SUSD1: variants seen among roughly 807,000 people sequenced by gnomAD.
The protein encoded by SUSD1 is sushi domain-containing protein 1.
Under a neutral mutation model 86.9 loss-of-function variants are expected in SUSD1, and 65 were observed. That is an observed-to-expected ratio of 0.75 (90% CI 0.61 to 0.92). SUSD1 has a LOEUF of 0.92. SUSD1 is among the 40% of genes least tolerant of loss of function. The pLI, the probability that SUSD1 is intolerant of heterozygous loss-of-function variation, is 0.00. For synonymous variants in SUSD1, 346 were observed against 350.0 expected (o/e 0.99, Z 0.13); for missense variants, 850 against 929.7 (o/e 0.91, Z 1.11).
At chr9:112,158,549 A>T (rs1453506143) in intron 1 of SUSD1, among the ~76,000 whole-genome samples, 2 of 151,466 alleles carry the variant, frequency 1.3e-5, no homozygotes, top group African/African-American at 4.9e-5. Context: ...ACACCACCAC[A>T]CCCATCTAAT....
intron 13 of SUSD1, among the ~76,000 whole-genome samples, chr9:112,062,721 T>C (rs10981243): frequency 0.083 from 12,640 of 152,074 alleles, 877 homozygotes; most frequent in East Asian, 0.3. Context: ...AAAATTTAAA[T>C]TTTAAAAAAA....
chr9:112,131,793 T>C (rs1303131334), intron 5 of SUSD1, among the ~76,000 whole-genome samples: 1 of 152,246 alleles, frequency 6.6e-6, no homozygotes, highest in Non-Finnish European at 1.5e-5. Flanking sequence ...CTCTGGCTAA[T>C]TACGTTATTA....
chr9:112,158,757 C>A (rs1833446621), intron 1 of SUSD1, among the ~76,000 whole-genome samples: 1 of 152,150 alleles, frequency 6.6e-6, no homozygotes, highest in African/African-American at 2.4e-5. Context: ...CTGGCACATT[C>A]CCTATCAATC....
chr9:112,082,598 C>A (rs9409113), intron 10 of SUSD1, among the ~76,000 whole-genome samples: 20,974 of 151,974 alleles, frequency 0.14, 1,755 homozygotes, highest in East Asian at 0.23. Flanking sequence ...CCCCTAGATA[C>A]CCCCCGCCCC....
intron 13 of SUSD1, 98 bp from the exon 14 acceptor site, chr9:112,058,784 T>C: frequency 2.0e-6 from 3 of 1,482,494 alleles, no homozygotes; most frequent in Non-Finnish European, 2.7e-6. Flanking sequence ...CAAACCTCTT[T>C]CTTTGTTTTT....
At chr9:112,092,666 A>C (rs1830249863) in intron 10 of SUSD1, among the ~76,000 whole-genome samples, 1 of 152,146 alleles carries the variant, frequency 6.6e-6, no homozygotes, top group African/African-American at 2.4e-5. Flanking sequence ...TTATATACCC[A>C]TGCAGGTCAC....
intron 8 of SUSD1, among the ~76,000 whole-genome samples, chr9:112,107,266 A>T (rs1830887164): frequency 6.6e-6 from 1 of 150,722 alleles, no homozygotes. Flanking sequence ...AAAAAAAAAA[A>T]AAAAAAAGAA....
At chr9:112,142,298 C>A (rs1232841472) in intron 5 of SUSD1, 22 bp downstream of exon 5, 8 of 1,528,384 alleles carry the variant, frequency 5.2e-6, no homozygotes, top group Admixed American at 4.4e-5. Context: ...GAATTGGGAA[C>A]CTGTATTTTT....
intron 1 of SUSD1, among the ~76,000 whole-genome samples, chr9:112,158,066 C>T (rs1833413398): frequency 6.6e-6 from 1 of 151,990 alleles, no homozygotes; most frequent in African/African-American, 2.4e-5. Context: ...TCTAGCAATC[C>T]ACCCACCTTG....
At chr9:112,044,586 C>A (rs1589566457) in intron 15 of SUSD1, among the ~76,000 whole-genome samples, 1 of 152,138 alleles carries the variant, frequency 6.6e-6, no homozygotes, top group South Asian at 2.1e-4. Flanking sequence ...TTTTTCATAA[C>A]CAGTGCTGAG....
chr9:112,052,439 C>A lies in SUSD1; in HGVS notation c.2110-1G>T. 2 of 1,614,030 alleles carry A rather than the reference C, an allele frequency of 1.2e-6. No homozygotes were observed. The highest frequency in any genetic ancestry group is 1.7e-6 in the Non-Finnish European group (2 of 1,179,990). On this transcript the variant is annotated splice_acceptor_variant, in intron 14 of 16. Transcript: ENST00000374270. LOFTEE classifies it high-confidence loss of function. Reference sequence around the variant, plus strand: ...AAACTGCACAGGAGTGTCTTCTCACCTATAAAGGAAAACATAGCAATGCAT... The same window carrying A: ...AAACTGCACAGGAGTGTCTTCTCACATATAAAGGAAAACATAGCAATGCAT...
chr9:112,148,416 C>T (rs1228784915), intron 3 of SUSD1, among the ~76,000 whole-genome samples: 1 of 152,178 alleles, frequency 6.6e-6, no homozygotes, highest in African/African-American at 2.4e-5. Context: ...TCACTCAGCG[C>T]ACACATGTGG....
intron 5 of SUSD1, among the ~76,000 whole-genome samples, chr9:112,134,062 T>C (rs1455093096): frequency 2.6e-5 from 4 of 151,538 alleles, no homozygotes; most frequent in Admixed American, 6.6e-5. Context: ...AGACAAAAAA[T>C]AACAGATGCT....
intron 8 of SUSD1, chr9:112,103,256 C>A: frequency 2.9e-6 from 1 of 346,568 alleles, no homozygotes; most frequent in South Asian, 2.4e-5. Flanking sequence ...CACAAGGCAG[C>A]CAGCTGGGGA....
chr9:112,059,084 G>A (rs117298946), intron 13 of SUSD1, among the ~76,000 whole-genome samples: 4,443 of 152,266 alleles, frequency 0.029, 125 homozygotes, highest in East Asian at 0.068. Flanking sequence ...GAGCCACTGC[G>A]CCCAGCTGAA....
intron 2 of SUSD1, 115 bp from the exon 3 acceptor site, chr9:112,149,514 A>T: frequency 1.7e-6 from 2 of 1,178,188 alleles, no homozygotes. Context: ...ACCACACCTT[A>T]GTGATCTATT....
In SUSD1 at chr9:112,129,955, A is replaced by G. The variant is rs539307122; in HGVS notation, c.707-5519T>C. On this transcript the variant is annotated intron_variant, in intron 5 of 16. Coordinates refer to ENST00000374270, the MANE Select transcript of SUSD1 (RefSeq NM_022486.5). ...ACATTACTTCCATATTTATTATCCA[A>G]CACAGGTAATTCACACATACCAAAC... is the stretch of plus-strand genomic sequence containing the variant. 4.9e-4 allele frequency among the ~76,000 whole-genome samples: 74 copies of G among 152,350 alleles called. No homozygotes were observed. In the South Asian group the frequency reaches 6.0e-3, roughly 12 times the overall value.
intron 11 of SUSD1, 59 bp from the exon 12 acceptor site, chr9:112,078,783 G>T: frequency 6.2e-5 from 78 of 1,249,674 alleles, no homozygotes; most frequent in Non-Finnish European, 7.9e-5. Flanking sequence ...TAGATGCCTT[G>T]AAACCTCCCC....
At chr9:112,164,939 A>C (rs1383914554) in intron 1 of SUSD1, among the ~76,000 whole-genome samples, 2 of 152,194 alleles carry the variant, frequency 1.3e-5, no homozygotes, top group African/African-American at 4.8e-5. Context: ...AGCGAAACTC[A>C]GTCTCAAAAA....
Sources: gnomAD v4.1 joint callset for allele counts (sites outside exome capture counted in the v4.1 genomes callset) on GRCh38, gnomAD v4.1.1 for gene constraint, MANE v1.5 for transcripts, NCBI Gene and HGNC (gene_info 2026-07-23, HGNC 2026-07-21) for gene names.